STPG2: variants seen among roughly 807,000 people sequenced by gnomAD.
STPG2 encodes sperm tail PG-rich repeat containing 2, also known as sperm-tail PG-rich repeat-containing protein 2.
A neutral mutation model predicts 54.2 loss-of-function variants in STPG2; 56 were observed. The ratio of observed to expected loss-of-function variants is 1.03; its 90% CI spans 0.83 to 1.29. STPG2 has a LOEUF of 1.29. Ranked by LOEUF, STPG2 falls within the 50% of genes most tolerant of loss-of-function variation. The pLI, the probability that STPG2 is intolerant of heterozygous loss-of-function variation, is 0.00. For synonymous variants in STPG2, 200 were observed against 181.8 expected, an observed-to-expected ratio of 1.10 and a Z score of -0.81; for missense variants, 596 against 544.9, an observed-to-expected ratio of 1.09 and a Z score of -0.93.
chr4:97,638,465 T>A (rs1721639214), intron 10 of STPG2, among the ~76,000 whole-genome samples: 1 of 151,718 alleles, frequency 6.6e-6, no homozygotes, highest in South Asian at 2.1e-4. Context: ...CACCAAAAGC[T>A]ATGGCAACAA....
intron 8 of STPG2, among the ~76,000 whole-genome samples, chr4:97,925,044 C>T (rs965957563): frequency 6.6e-6 from 1 of 152,150 alleles, no homozygotes; most frequent in Non-Finnish European, 1.5e-5. Flanking sequence ...ATTCTCAAAA[C>T]ACATGAGAAA....
intron 4 of STPG2, among the ~76,000 whole-genome samples, chr4:97,472,843 C>G (rs945291291): frequency 6.6e-6 from 1 of 152,012 alleles, no homozygotes; most frequent in Non-Finnish European, 1.5e-5. Context: ...AGTCAGGGAC[C>G]CTGAATGGAG....
At chr4:97,629,982 C>T (rs1008896121) in intron 10 of STPG2, among the ~76,000 whole-genome samples, 1 of 151,944 alleles carries the variant, frequency 6.6e-6, no homozygotes, top group African/African-American at 2.4e-5. Flanking sequence ...ACCAATCTTT[C>T]CTGACATTGA....
At chr4:97,934,387 C>G (rs897690790) in intron 8 of STPG2, among the ~76,000 whole-genome samples, 3 of 152,164 alleles carry the variant, frequency 2.0e-5, no homozygotes, top group Admixed American at 2.0e-4. Context: ...GCCAGAACTT[C>G]AAATACTATG....
chr4:97,537,131 G>A (rs144403434), intron 4 of STPG2, among the ~76,000 whole-genome samples: 3,131 of 152,240 alleles, frequency 0.021, 55 homozygotes, highest in Middle Eastern at 0.051. Context: ...TGCAGAAGAC[G>A]GGTGATTTCT....
At chr4:97,947,542 T>C (rs1733281217) in intron 7 of STPG2, among the ~76,000 whole-genome samples, 1 of 152,118 alleles carries the variant, frequency 6.6e-6, no homozygotes, top group African/African-American at 2.4e-5. Context: ...GGCTGTGGGT[T>C]TGTCATAGAT....
chr4:97,963,354 GT>G (rs893497657), intron 7 of STPG2, among the ~76,000 whole-genome samples: 2 of 151,886 alleles, frequency 1.3e-5, no homozygotes, highest in African/African-American at 4.8e-5. Context: ...TTAATATTAT[GT>G]TTTTTACCAC....
At chr4:97,615,580 A>T (rs1191663752) in intron 10 of STPG2, among the ~76,000 whole-genome samples, 1 of 152,076 alleles carries the variant, frequency 6.6e-6, no homozygotes, top group Non-Finnish European at 1.5e-5. Context: ...ATCTGGCTTA[A>T]TCATAGTATT....
In STPG2 at chr4:97,938,936, G is replaced by A. The variant is rs139072332; in HGVS notation, c.1044+4961C>T. On this transcript the variant is annotated intron_variant, in intron 8 of 10. Coordinates refer to ENST00000295268, the MANE Select transcript of STPG2 (RefSeq NM_174952.3). ...TGCCCCTCCTTTTCAACTTTTTGATGTGGAAATTCAGTACTATGAATTTTC... is the reference window on the plus strand; with the variant it reads ...TGCCCCTCCTTTTCAACTTTTTGATATGGAAATTCAGTACTATGAATTTTC... 6.6e-3 allele frequency among the ~76,000 whole-genome samples: 1,010 copies of A among 152,108 alleles called. 14 individuals are homozygous for A. Among genetic ancestry groups the A allele is most frequent in the African/African-American group, 0.023 (958 of 41,504 alleles).
rs572483561 is a variant in STPG2, at chr4:97,517,150, C to T, written c.462+195549G>A. Among the ~76,000 whole-genome samples, 18 of 152,096 alleles carry T rather than the reference C, an allele frequency of 1.2e-4. No homozygotes were observed. In the South Asian group the frequency reaches 3.1e-3, roughly 26 times the overall value. On this transcript the variant is annotated intron_variant, in intron 4 of 4. Transcript: ENST00000522676. The stretch of plus-strand genomic sequence containing the variant: ...CTTGAACTCCTGACCTCAAGTGATT[C>T]GCCCGACTTGGCCTCCCAAAGTGCT...
chr4:97,939,497 T>C (rs888314706), intron 8 of STPG2, among the ~76,000 whole-genome samples: 9 of 152,220 alleles, frequency 5.9e-5, no homozygotes, highest in Admixed American at 2.6e-4. Context: ...GTTGGGTGCA[T>C]ATATATTTAG....
intron 4 of STPG2, among the ~76,000 whole-genome samples, chr4:97,488,683 C>T (rs761124517): frequency 6.6e-6 from 1 of 151,608 alleles, no homozygotes; most frequent in African/African-American, 2.4e-5. Flanking sequence ...CTCTGGCAAT[C>T]CCAGTTGAAC....
chr4:98,042,724 A>AT (rs34123574), intron 5 of STPG2, among the ~76,000 whole-genome samples: 59,776 of 151,702 alleles, frequency 0.39, 11,994 homozygotes, highest in Middle Eastern at 0.46. Context: ...TCTGACCTGA[A>AT]AAAATCTATC....
chr4:97,879,285 G>T (rs1451671488), intron 8 of STPG2, among the ~76,000 whole-genome samples: 5 of 152,022 alleles, frequency 3.3e-5, no homozygotes, highest in African/African-American at 7.3e-5. Flanking sequence ...ACATTTTCAG[G>T]TATCTTTATA....
At chr4:97,868,489 T>C (rs1270956748) in intron 8 of STPG2, among the ~76,000 whole-genome samples, 2 of 151,864 alleles carry the variant, frequency 1.3e-5, no homozygotes, top group Non-Finnish European at 2.9e-5. Flanking sequence ...GTTAAGATCA[T>C]AAGCCTGTGT....
At chr4:97,920,997 T>C (rs947564954) in intron 8 of STPG2, among the ~76,000 whole-genome samples, 1 of 152,192 alleles carries the variant, frequency 6.6e-6, no homozygotes, top group African/African-American at 2.4e-5. Flanking sequence ...ATGTTGTGGA[T>C]AACCTTAACA....
intron 8 of STPG2, among the ~76,000 whole-genome samples, chr4:97,923,367 C>T (rs936912353): frequency 2.0e-4 from 28 of 137,298 alleles, no homozygotes; most frequent in Non-Finnish European, 3.7e-4. Flanking sequence ...TGCTCCAGGG[C>T]GCCCCGTCCC....
intron 10 of STPG2, among the ~76,000 whole-genome samples, chr4:97,565,719 G>A (rs1051800412): frequency 2.0e-5 from 3 of 152,170 alleles, no homozygotes; most frequent in Admixed American, 6.5e-5. Flanking sequence ...GTTTGCCTGG[G>A]TACCAGCAGC....
intron 10 of STPG2, among the ~76,000 whole-genome samples, chr4:97,692,075 A>C (rs1723384311): frequency 6.6e-6 from 1 of 152,164 alleles, no homozygotes; most frequent in Non-Finnish European, 1.5e-5. Context: ...TAGTCTACCA[A>C]AATGAGAAGG....
Sources: allele counts gnomAD v4.1 joint callset (sites outside exome capture counted in the v4.1 genomes callset), GRCh38; gene constraint gnomAD v4.1.1; transcripts MANE v1.5; gene names NCBI Gene and HGNC (gene_info 2026-07-23, HGNC 2026-07-21).